ADAP1: variants seen among roughly 807,000 people sequenced by gnomAD.
ADAP1 encodes ArfGAP with dual PH domains 1, also known as arf-GAP with dual PH domain-containing protein 1.
ADAP1 carries 31 observed loss-of-function variants against 54.9 expected under a neutral mutation model. That is an observed-to-expected ratio of 0.56 (90% CI 0.42 to 0.76). The LOEUF is 0.76. Ranked by LOEUF, ADAP1 falls within the 30% of genes least tolerant of loss-of-function variation. The pLI is 0.00. For synonymous variants in ADAP1, 313 were observed against 202.6 expected (o/e 1.55, Z -4.63); for missense variants, 535 against 512.4 (o/e 1.04, Z -0.42).
Position 898,471 on chromosome 7 carries a change from G to A in ADAP1, c.*450C>T. ...CAGGCGCTCAATAAATAGTCGTGGA[G>A]GTGGGGGGAGGGCGGGGCGGCATGC... On this transcript the variant is annotated 3_prime_UTR_variant, in exon 11 of 11. Transcript: ENST00000265846. The A allele has an allele frequency of 4.0e-6, 1 of 250,596 alleles. No homozygotes were observed. The highest frequency in any genetic ancestry group is 5.0e-5 in the South Asian group (1 of 19,840). The allele number at this position is 250,596 out of a possible 1,614,324, so 15.5% of individuals were successfully genotyped here. A position where few individuals can be genotyped will look rare whatever the true frequency, so the allele number is the denominator to read the frequency against.
chr7:944,395 C>T (rs1269585262), intron 1 of ADAP1, among the ~76,000 whole-genome samples: 2 of 151,680 alleles, frequency 1.3e-5, no homozygotes, highest in African/African-American at 2.4e-5. Context: ...GCTGGGATTA[C>T]AGGCGCCCGC....
Position 903,120 on chromosome 7 carries a change from C to G in ADAP1, c.648+1006G>C, listed in dbSNP as rs117251827. On this transcript the variant is annotated intron_variant, in intron 6 of 10. Coordinates refer to ENST00000265846, the MANE Select transcript of ADAP1 (RefSeq NM_006869.4). ...GCAGGCTCCTGGTGCCCGACTGCCT[C>G]CAGAGACAACAGTCTGCGGAGAGTC... Among the ~76,000 whole-genome samples, 176 of 152,264 alleles carry G rather than the reference C, an allele frequency of 1.2e-3. 1 individual carries two copies. In the Middle Eastern group the frequency reaches 0.017, roughly 15 times the overall value.
chr7:902,707 A>AC lies in ADAP1; in HGVS notation c.648+1418dup, dbSNP rs371149386. Among the ~76,000 whole-genome samples, 439 of 151,986 alleles carry AC rather than the reference A, an allele frequency of 2.9e-3. 2 individuals carry two copies. The highest frequency in any genetic ancestry group is 0.01 in the African/African-American group (417 of 41,438). On this transcript the variant is annotated intron_variant, in intron 6 of 10. Coordinates refer to ENST00000265846, the MANE Select transcript of ADAP1 (RefSeq NM_006869.4). Reference sequence around the variant, plus strand: ...TCATTAGATAAGAAAGCAATCCCTGACCTCATGGAAACCAGTAACTGGACT... The same window carrying AC: ...TCATTAGATAAGAAAGCAATCCCTGACCCTCATGGAAACCAGTAACTGGACT...
intron 4 of ADAP1, among the ~76,000 whole-genome samples, chr7:908,394 G>GC (rs1048645431): frequency 3.9e-5 from 6 of 152,092 alleles, no homozygotes; most frequent in Admixed American, 2.0e-4. Flanking sequence ...CGGGGAGGGG[G>GC]CCCTGGGCTG....
At chr7:934,563 A>T (rs1283872234) in intron 2 of ADAP1, among the ~76,000 whole-genome samples, 1 of 152,090 alleles carries the variant, frequency 6.6e-6, no homozygotes, top group East Asian at 1.9e-4. Context: ...CCAGACCCCA[A>T]GTCCCACGAG....
intron 4 of ADAP1, among the ~76,000 whole-genome samples, chr7:912,316 T>C (rs1320173412): frequency 6.6e-6 from 1 of 152,148 alleles, no homozygotes; most frequent in African/African-American, 2.4e-5. Context: ...AAAGCCGCCA[T>C]TGAGGCTGCG....
At chr7:931,126 G>A (rs538808266) in intron 2 of ADAP1, among the ~76,000 whole-genome samples, 4 of 151,620 alleles carry the variant, frequency 2.6e-5, no homozygotes, top group East Asian at 3.9e-4. Flanking sequence ...AGGGAGGGAC[G>A]GAAGAAAGGA....
intron 4 of ADAP1, chr7:905,620 A>AGGGGAAAGGGGAAAG (rs1284852069): frequency 1.3e-5 from 1 of 77,220 alleles, no homozygotes; most frequent in African/African-American, 6.5e-5. Flanking sequence ...GAAAGGAGAA[A>AGGGGAAAGGGGAAAG]GGGAAAGGAG....
chr7:910,050 G>A (rs1488237814), intron 4 of ADAP1, among the ~76,000 whole-genome samples: 1 of 148,424 alleles, frequency 6.7e-6, no homozygotes, highest in Admixed American at 6.8e-5. Flanking sequence ...CCACGAGAAC[G>A]GCAAAACCAA....
intron 4 of ADAP1, among the ~76,000 whole-genome samples, chr7:909,138 G>C (rs1204921304): frequency 2.8e-5 from 4 of 142,912 alleles, no homozygotes; most frequent in Non-Finnish European, 6.2e-5. Flanking sequence ...CCCGACAGCA[G>C]GCGCCAGCGG....
At chr7:925,912 G>C (rs981579885) in intron 3 of ADAP1, among the ~76,000 whole-genome samples, 1 of 152,198 alleles carries the variant, frequency 6.6e-6, no homozygotes, top group African/African-American at 2.4e-5. Context: ...AGGGCACCCA[G>C]TGGGCCAACA....
chr7:903,402 T>A (rs1185985075), intron 6 of ADAP1, among the ~76,000 whole-genome samples: 2 of 152,142 alleles, frequency 1.3e-5, no homozygotes. Flanking sequence ...GGCAGCTTAT[T>A]TTTGGATATG....
intron 4 of ADAP1, among the ~76,000 whole-genome samples, chr7:913,125 T>C (rs1845789294): frequency 6.6e-6 from 1 of 151,898 alleles, no homozygotes; most frequent in Admixed American, 6.5e-5. Flanking sequence ...ATGACAGGCA[T>C]GAGCCCCGGT....
chr7:926,848 A>G lies in ADAP1; in HGVS notation c.214-204T>C. ...CGACCCTCCCCTGGGACAGGGAAGG[A>G]GCCAGCGTCCCTAACGACGGGGTCC... is the stretch of plus-strand genomic sequence containing the variant. On this transcript the variant is annotated intron_variant, in intron 2 of 10. Coordinates refer to ENST00000265846, the MANE Select transcript of ADAP1 (RefSeq NM_006869.4). This position sits in a 1 kb window ranked among gnomAD's most constrained non-coding sequence, Gnocchi z 4.6. The G allele has an allele frequency of 6.4e-6, 5 of 783,022 alleles. No homozygotes were observed. Among genetic ancestry groups the G allele is most frequent in the Non-Finnish European group, 9.6e-6 (5 of 521,892 alleles). 48.5% of individuals were successfully genotyped at this position (783,022 alleles called of 1,614,324 possible).
At chr7:901,134 C>T (rs575543350) in intron 6 of ADAP1, 9 of 425,966 alleles carry the variant, frequency 2.1e-5, no homozygotes, top group South Asian at 6.8e-5. Flanking sequence ...TCCAGGGAGC[C>T]GCCCTGGTCC....
intron 4 of ADAP1, chr7:905,478 A>AAAGGAGAAAGGAG (rs1845142861): frequency 1.0e-5 from 1 of 96,934 alleles, no homozygotes; most frequent in Non-Finnish European, 1.9e-5. Context: ...GGAGAAAGGG[A>AAAGGAGAAAGGAG]AAGGAGAAAG....
At position 926,562 on chromosome 7, in the gene ADAP1, G is replaced by C. The variant is rs948371766; in HGVS notation, c.296C>G (p.Ser99Cys). 3.3e-6 allele frequency: 5 copies of C among 1,537,278 alleles called. No homozygotes were observed. The highest frequency in any genetic ancestry group is 4.4e-6 in the Non-Finnish European group (5 of 1,142,598). ...VPSFYYRPTP[S>C]DCQLLREQWI... is the part of the protein sequence containing the mutation. ...GCCCCTTTGTACTCACTGGCAGTCG[G>C]AGGGCGTGGGCCGGTAGTAGAAGGA... The change falls in exon 3 of 11, where the codon TCC (serine) becomes TGC (cysteine). Residue 99 changes from serine to cysteine, a missense_variant. Ser to Cys is a moderately radical substitution (Grantham distance 112). Coordinates refer to ENST00000265846, the MANE Select transcript of ADAP1 (RefSeq NM_006869.4). The surrounding 1 kb of genome is among the most constrained non-coding windows in gnomAD (Gnocchi z 4.6).
chr7:944,337 C>A (rs574511139), intron 1 of ADAP1, among the ~76,000 whole-genome samples: 69 of 150,860 alleles, frequency 4.6e-4, no homozygotes, highest in African/African-American at 1.6e-3. Context: ...TCACTGCAAC[C>A]TTTGCCTCTC....
In ADAP1 at chr7:926,750, C is replaced by T. The variant is rs961148550; in HGVS notation, c.214-106G>A. 1 of 902,870 alleles carries T rather than the reference C, an allele frequency of 1.1e-6. No individual in the cohort carries two copies. Among genetic ancestry groups the T allele is most frequent in the Non-Finnish European group, 1.6e-6 (1 of 619,004 alleles). The allele number at this position is 902,870 out of a possible 1,614,324, so 55.9% of individuals were successfully genotyped here. A position where few individuals can be genotyped will look rare whatever the true frequency, so the allele number is the denominator to read the frequency against. ...ACCACAGTGACCCGCAGACCCAAGGCTCTGAGGGCTCCACCAGCACCAGGA... is the reference window on the plus strand; with the variant it reads ...ACCACAGTGACCCGCAGACCCAAGGTTCTGAGGGCTCCACCAGCACCAGGA... On this transcript the variant is annotated intron_variant, in intron 2 of 10. Coordinates refer to ENST00000265846, the MANE Select transcript of ADAP1 (RefSeq NM_006869.4). This position sits in a 1 kb window ranked among gnomAD's most constrained non-coding sequence, Gnocchi z 4.6.
Sources: gnomAD v4.1 joint callset for allele counts (sites outside exome capture counted in the v4.1 genomes callset) on GRCh38, gnomAD v4.1.1 for gene constraint, Gnocchi (gnomAD v3.1) non-coding constraint, MANE v1.5 for transcripts, NCBI Gene and HGNC (gene_info 2026-07-23, HGNC 2026-07-21) for gene names.